The following WDR25 variants were observed in gnomAD, a reference collection of about 807,000 sequenced individuals.
The protein encoded by WDR25 is WD repeat domain 25.
In WDR25, 35 loss-of-function variants were observed where a neutral mutation model predicts 47.7. That is an observed-to-expected ratio of 0.73 (90% CI 0.56 to 0.97). The LOEUF (loss-of-function observed/expected upper bound fraction) is 0.97, where lower values mean the gene tolerates loss of function less well. Among genes scored for constraint, WDR25 ranks in the 50% least tolerant of loss-of-function variants. WDR25 has a pLI of 0.00. For missense variants in WDR25, 634 were observed against 704.7 expected, an observed-to-expected ratio of 0.90 and a Z score of 1.14; for synonymous variants, 248 against 278.9, an observed-to-expected ratio of 0.89 and a Z score of 1.10.
chr14:100,503,486 A>T (rs1901009921), intron 4 of WDR25, among the ~76,000 whole-genome samples: 1 of 152,216 alleles, frequency 6.6e-6, no homozygotes, highest in African/African-American at 2.4e-5. Flanking sequence ...CCTATTTAAA[A>T]GTGAGCCGTG....
Position 100,381,335 on chromosome 14 carries a change from A to G in WDR25, c.411A>G (p.Val137=). The stretch of plus-strand genomic sequence containing the variant: ...TGGCAGCTGCCCGCTTTAAGCAAGT[A>G]AAACTCTCCAGGAACTTTCCCAAGT... The part of the protein sequence containing the change: ...MPLAAARFKQ[V]KLSRNFPKSS... The change falls in exon 2 of 7, where the codon GTA becomes GTG. Residue 137 remains valine, a synonymous_variant. Coordinates refer to ENST00000402312, the MANE Select transcript of WDR25 (RefSeq NM_001161476.3). 1.2e-6 allele frequency: 2 copies of G among 1,614,218 alleles called. No homozygotes were observed. The highest frequency in any genetic ancestry group is 2.2e-5 in the South Asian group (2 of 91,076).
At chr14:100,475,009 GAT>G (rs1265714762) in intron 3 of WDR25, among the ~76,000 whole-genome samples, 2 of 152,182 alleles carry the variant, frequency 1.3e-5, no homozygotes, top group African/African-American at 4.8e-5. Flanking sequence ...CAAAAGAAGA[GAT>G]ATGAATGGCC....
At chr14:100,443,138 A>G (rs1194111403) in intron 2 of WDR25, among the ~76,000 whole-genome samples, 1 of 152,220 alleles carries the variant, frequency 6.6e-6, no homozygotes. Context: ...GGCCAGGGCA[A>G]GGTGGAGCTG....
At chr14:100,512,191 T>C (rs1206114724) in intron 4 of WDR25, among the ~76,000 whole-genome samples, 1 of 152,196 alleles carries the variant, frequency 6.6e-6, no homozygotes, top group Non-Finnish European at 1.5e-5. Context: ...ATTCCTTAAA[T>C]GTTTGCTAGA....
intron 2 of WDR25, among the ~76,000 whole-genome samples, chr14:100,385,644 T>G (rs1444849407): frequency 1.3e-5 from 2 of 152,168 alleles, no homozygotes; most frequent in Non-Finnish European, 2.9e-5. Context: ...TTAAGTAAAA[T>G]AAAACAATGA....
intron 2 of WDR25, among the ~76,000 whole-genome samples, chr14:100,421,015 A>G (rs143178963): frequency 2.6e-5 from 4 of 152,220 alleles, no homozygotes; most frequent in East Asian, 1.9e-4. Context: ...GAAACAGTGT[A>G]TCTCCTGCAT....
intron 2 of WDR25, among the ~76,000 whole-genome samples, chr14:100,459,397 A>G (rs1320486510): frequency 6.6e-6 from 1 of 152,196 alleles, no homozygotes; most frequent in Admixed American, 6.5e-5. Context: ...CCTTCCCACA[A>G]AGAAAACTCC....
At chr14:100,497,578 C>T (rs1900775749) in intron 4 of WDR25, among the ~76,000 whole-genome samples, 1 of 152,348 alleles carries the variant, frequency 6.6e-6, no homozygotes, top group Non-Finnish European at 1.5e-5. Flanking sequence ...GCCACCTGCT[C>T]TTGTTTACTT....
At chr14:100,520,870 G>A (rs911864508) in intron 4 of WDR25, among the ~76,000 whole-genome samples, 2 of 152,104 alleles carry the variant, frequency 1.3e-5, no homozygotes, top group African/African-American at 4.8e-5. Context: ...AAGAACAGAC[G>A]GAAGTTACTT....
intron 4 of WDR25, among the ~76,000 whole-genome samples, chr14:100,509,048 A>G (rs1901213049): frequency 6.6e-6 from 1 of 152,068 alleles, no homozygotes; most frequent in Non-Finnish European, 1.5e-5. Flanking sequence ...TTTTTCCTAT[A>G]TTCTTTGTCT....
chr14:100,406,889 C>G (rs1383005426), intron 2 of WDR25: 1 of 152,530 alleles, frequency 6.6e-6, no homozygotes, highest in African/African-American at 2.4e-5. Context: ...GGTTTAAAGA[C>G]TTGGCAGTAA....
intron 2 of WDR25, among the ~76,000 whole-genome samples, chr14:100,465,739 G>A (rs1899608080): frequency 6.6e-6 from 1 of 152,202 alleles, no homozygotes; most frequent in Non-Finnish European, 1.5e-5. Context: ...GGAATGGCTG[G>A]ATCATGTCAT....
chr14:100,509,454 C>T (rs1901228275), intron 4 of WDR25, among the ~76,000 whole-genome samples: 1 of 152,178 alleles, frequency 6.6e-6, no homozygotes, highest in African/African-American at 2.4e-5. Flanking sequence ...CCCCAGGCTG[C>T]AGAACTTCCT....
chr14:100,504,721 C>T (rs1408328199), intron 4 of WDR25: 1 of 152,096 alleles, frequency 6.6e-6, no homozygotes, highest in Non-Finnish European at 1.5e-5. Context: ...TATACATTTT[C>T]CTTTCTTTGG....
At chr14:100,400,076 A>G (rs767566001) in intron 2 of WDR25, among the ~76,000 whole-genome samples, 6 of 152,238 alleles carry the variant, frequency 3.9e-5, no homozygotes, top group Non-Finnish European at 7.3e-5. Context: ...ACTTAATTCA[A>G]TGAATGTTCA....
intron 2 of WDR25, among the ~76,000 whole-genome samples, chr14:100,418,748 A>G (rs1333456169): frequency 6.7e-6 from 1 of 150,202 alleles, no homozygotes; most frequent in African/African-American, 2.5e-5. Flanking sequence ...CATCCCTGGG[A>G]GTTTGGGGTG....
chr14:100,496,879 A>AG (rs1900750517), intron 4 of WDR25, among the ~76,000 whole-genome samples: 1 of 105,310 alleles, frequency 9.5e-6, no homozygotes, highest in Non-Finnish European at 1.7e-5. Flanking sequence ...TCTGTCCCTT[A>AG]GGCTGGAGTG....
chr14:100,435,935 G>C (rs1322087905), intron 2 of WDR25, among the ~76,000 whole-genome samples: 3 of 152,198 alleles, frequency 2.0e-5, no homozygotes, highest in Non-Finnish European at 2.9e-5. Flanking sequence ...GGCTTGGAGA[G>C]GAGGGAGTGT....
chr14:100,516,712 G>A (rs1284033076), intron 4 of WDR25, among the ~76,000 whole-genome samples: 2 of 151,808 alleles, frequency 1.3e-5, no homozygotes, highest in African/African-American at 4.8e-5. Flanking sequence ...TTTTAATATG[G>A]TATATTTTTT....
Sources: gnomAD v4.1 joint callset for allele counts (sites outside exome capture counted in the v4.1 genomes callset) on GRCh38, gnomAD v4.1.1 for gene constraint, MANE v1.5 for transcripts, NCBI Gene and HGNC (gene_info 2026-07-23, HGNC 2026-07-21) for gene names.